STIM2: variants seen among roughly 807,000 people sequenced by gnomAD.
STIM2 encodes the protein stromal interaction molecule 2.
A neutral mutation model predicts 85.8 loss-of-function variants in STIM2; 31 were observed. The ratio of observed to expected loss-of-function variants is 0.36; its 90% CI spans 0.27 to 0.49. The LOEUF is 0.49. Among genes scored for constraint, STIM2 ranks in the 20% least tolerant of loss-of-function variants. The pLI is 0.98. For missense variants in STIM2, 841 were observed against 927.6 expected (o/e 0.91, Z 1.21); for synonymous variants, 356 against 331.1 (o/e 1.08, Z -0.82).
chr4:26,884,874 A>C (rs1210869353), intron 1 of STIM2, among the ~76,000 whole-genome samples: 1 of 152,244 alleles, frequency 6.6e-6, no homozygotes, highest in African/African-American at 2.4e-5. Context: ...GAGTTCACAG[A>C]ACTGGCAAGT....
chr4:26,992,540 A>G (rs1017385424), intron 3 of STIM2, among the ~76,000 whole-genome samples: 6 of 151,926 alleles, frequency 3.9e-5, no homozygotes, highest in Non-Finnish European at 8.8e-5. Context: ...CAAAAAAAGG[A>G]AAAAAAAGGT....
chr4:27,024,266 A>G lies in STIM2; in HGVS notation c.*1270A>G, dbSNP rs916103625. The G allele has an allele frequency of 3.3e-5, 5 of 152,228 alleles. No individual in the cohort carries two copies. The highest frequency in any genetic ancestry group is 6.5e-5 in the Admixed American group (1 of 15,288). 9.4% of individuals were successfully genotyped at this position (152,228 alleles called of 1,614,324 possible). On this transcript the variant is annotated 3_prime_UTR_variant, in exon 12 of 12. Transcript: ENST00000467087. ...AAGGGTAGCTTTTGTTGTTAAAAAA[A>G]CAGTAGAGAGTTAAGTTCCATATAG...
At chr4:26,895,634 T>G (rs1246384045) in intron 1 of STIM2, among the ~76,000 whole-genome samples, 1 of 152,204 alleles carries the variant, frequency 6.6e-6, no homozygotes, top group Non-Finnish European at 1.5e-5. Context: ...GTTTTAAGTC[T>G]CCATCTTGCA....
intron 10 of STIM2, 101 bp downstream of exon 10, chr4:27,009,103 T>A (rs1276179321): frequency 2.8e-6 from 3 of 1,063,368 alleles, no homozygotes; most frequent in Non-Finnish European, 4.1e-6. Context: ...TGAGAAAAAA[T>A]TGGGTTTATC....
At chr4:26,955,603 A>G (rs1413001387) in intron 2 of STIM2, among the ~76,000 whole-genome samples, 2 of 148,300 alleles carry the variant, frequency 1.3e-5, no homozygotes, top group Non-Finnish European at 1.5e-5. Flanking sequence ...GCATTCAGGC[A>G]GGCCCCCTTA....
chr4:26,876,457 G>A (rs1722818930), intron 1 of STIM2, among the ~76,000 whole-genome samples: 1 of 152,018 alleles, frequency 6.6e-6, no homozygotes, highest in Non-Finnish European at 1.5e-5. Flanking sequence ...GCCCTGCCTT[G>A]CTTTACTCTT....
intron 3 of STIM2, among the ~76,000 whole-genome samples, chr4:26,967,269 T>A (rs1726758968): frequency 1.3e-5 from 2 of 152,188 alleles, no homozygotes; most frequent in African/African-American, 4.8e-5. Flanking sequence ...CAAAGAGATT[T>A]GTGATTCACT....
chr4:26,966,865 A>C (rs892279717), intron 3 of STIM2, among the ~76,000 whole-genome samples: 3 of 152,124 alleles, frequency 2.0e-5, no homozygotes, highest in Admixed American at 6.6e-5. Flanking sequence ...TAAAGCTTAT[A>C]TCTTTCTATC....
At chr4:26,916,250 C>T (rs1425380881) in intron 1 of STIM2, among the ~76,000 whole-genome samples, 1 of 152,178 alleles carries the variant, frequency 6.6e-6, no homozygotes, top group Non-Finnish European at 1.5e-5. Context: ...TTGAGTCTTA[C>T]TTTAAAGGAA....
intron 1 of STIM2, among the ~76,000 whole-genome samples, chr4:26,900,268 C>T (rs1045139685): frequency 1.3e-5 from 2 of 152,116 alleles, no homozygotes; most frequent in Non-Finnish European, 2.9e-5. Context: ...TTTTGCCTTT[C>T]TTCAAATGAA....
In STIM2 at chr4:27,008,986, A is replaced by G; in HGVS notation, c.1473A>G (p.Ile491Met). Reference sequence around the variant, plus strand: ...ACTTAGATGAAGACACACCCCCAATAGTGTCACAATTTCCCGGTAAGTGGC... The same window carrying G: ...ACTTAGATGAAGACACACCCCCAATGGTGTCACAATTTCCCGGTAAGTGGC... The change falls in exon 10 of 12, where the codon ATA becomes ATG. Residue 491 changes from isoleucine (I) to methionine (M), a missense_variant. By Grantham distance (10) the Ile-to-Met change is conservative. Around this residue, in one of 3 missense-constraint regions of STIM2, gnomAD observed 408 missense variants for 525.4 expected, o/e 0.78. Transcript: ENST00000467087. 1 of 1,611,606 alleles carries G rather than the reference A, an allele frequency of 6.2e-7. No individual in the cohort carries two copies.
intron 1 of STIM2, among the ~76,000 whole-genome samples, chr4:26,905,742 T>C (rs7697626): frequency 0.86 from 130,937 of 152,146 alleles, 56,775 homozygotes; most frequent in Middle Eastern, 0.98. Context: ...TCAGTAAATA[T>C]TTACTGAGTG....
Position 26,957,732 on chromosome 4 carries a change from AC to A in STIM2, c.397+7del. 3 of 1,573,432 alleles carry A rather than the reference AC, an allele frequency of 1.9e-6. No individual in the cohort carries two copies. The highest frequency in any genetic ancestry group is 2.6e-6 in the Non-Finnish European group (3 of 1,152,574). ...ACGATGGAAAACATCAGAAGGTAAG[AC>A]TGCCTTTGTGATCTGGCCCCCTCCC... On this transcript the variant is annotated splice_region_variant and intron_variant, in intron 3 of 11. Transcript: ENST00000467087.
chr4:26,867,850 C>A (rs1177618082), intron 1 of STIM2, among the ~76,000 whole-genome samples: 2 of 152,300 alleles, frequency 1.3e-5, no homozygotes, highest in South Asian at 2.1e-4. Context: ...AAGGGTGGTT[C>A]CCTCTTAAGT....
At chr4:26,915,034 T>C (rs1724484647) in intron 1 of STIM2, among the ~76,000 whole-genome samples, 1 of 152,136 alleles carries the variant, frequency 6.6e-6, no homozygotes, top group African/African-American at 2.4e-5. Flanking sequence ...TGAGCATAGA[T>C]TTGGAGTTGT....
chr4:26,993,795 T>C (rs2109124221), intron 3 of STIM2, among the ~76,000 whole-genome samples: 1 of 152,290 alleles, frequency 6.6e-6, no homozygotes, highest in Non-Finnish European at 1.5e-5. Context: ...TTTACTGTTA[T>C]TTAGTATTAC....
intron 1 of STIM2, among the ~76,000 whole-genome samples, chr4:26,892,300 A>G (rs998926830): frequency 1.3e-5 from 2 of 152,222 alleles, no homozygotes; most frequent in African/African-American, 4.8e-5. Context: ...TGAGAAATCC[A>G]AGATCAAGGT....
chr4:26,993,076 G>A (rs1480033717), intron 3 of STIM2, among the ~76,000 whole-genome samples: 1 of 152,130 alleles, frequency 6.6e-6, no homozygotes, highest in East Asian at 1.9e-4. Context: ...CAGTCATAGA[G>A]AGAATCTTAT....
At chr4:26,984,611 C>T (rs898890649) in intron 3 of STIM2, among the ~76,000 whole-genome samples, 4 of 152,180 alleles carry the variant, frequency 2.6e-5, no homozygotes, top group East Asian at 1.9e-4. Flanking sequence ...ATGATCTGCC[C>T]GCCTCTGGCT....
Sources: gnomAD v4.1 joint callset for allele counts (sites outside exome capture counted in the v4.1 genomes callset) on GRCh38, gnomAD v4.1.1 for gene constraint, gnomAD v4.1.1 regional missense constraint, MANE v1.5 for transcripts, NCBI Gene and HGNC (gene_info 2026-07-23, HGNC 2026-07-21) for gene names.